LHFPL4: variants seen among roughly 807,000 people sequenced by gnomAD.
LHFPL4 encodes the protein LHFPL tetraspan subfamily member 4 protein.
Under a neutral mutation model 20.0 loss-of-function variants are expected in LHFPL4, and 6 were observed. The observed-to-expected ratio is 0.30, with a 90% confidence interval of 0.16 to 0.59. The LOEUF is 0.59. Ranked by LOEUF, LHFPL4 falls within the 20% of genes least tolerant of loss-of-function variation. The pLI is 0.88. For missense variants in LHFPL4, 215 were observed against 331.2 expected (o/e 0.65, Z 2.72); for synonymous variants, 129 against 143.8 (o/e 0.90, Z 0.74).
intron 2 of LHFPL4, among the ~76,000 whole-genome samples, chr3:9,532,616 T>C (rs1250448236): frequency 2.0e-5 from 3 of 152,226 alleles, no homozygotes; most frequent in Non-Finnish European, 4.4e-5. Flanking sequence ...GTTACATGCA[T>C]GAGGCACCGC....
chr3:9,523,024 GA>G (rs2046348651), intron 2 of LHFPL4, among the ~76,000 whole-genome samples: 1 of 122,188 alleles, frequency 8.2e-6, no homozygotes, highest in South Asian at 2.7e-4. Context: ...CTGGGCAACA[GA>G]GCGAGACTCC....
At chr3:9,528,610 C>T (rs2046389459) in intron 2 of LHFPL4, among the ~76,000 whole-genome samples, 1 of 151,954 alleles carries the variant, frequency 6.6e-6, no homozygotes, top group Non-Finnish European at 1.5e-5. Context: ...ACCAATGTTC[C>T]ATTTATTATT....
chr3:9,524,881 G>A (rs1327145926), intron 2 of LHFPL4, among the ~76,000 whole-genome samples: 2 of 152,182 alleles, frequency 1.3e-5, no homozygotes, highest in Non-Finnish European at 2.9e-5. Flanking sequence ...TAGTGATGTG[G>A]TGGTAAGATG....
chr3:9,544,936 T>C (rs1235597148), intron 2 of LHFPL4, among the ~76,000 whole-genome samples: 2 of 152,176 alleles, frequency 1.3e-5, no homozygotes, highest in African/African-American at 4.8e-5. Context: ...GAATCTCCCA[T>C]TTCATGTATT....
chr3:9,502,852 T>G (rs887609141), intron 3 of LHFPL4, among the ~76,000 whole-genome samples: 3 of 152,150 alleles, frequency 2.0e-5, no homozygotes, highest in Admixed American at 6.5e-5. Flanking sequence ...GATCATAGCC[T>G]ACCTCACAGG....
intron 2 of LHFPL4, among the ~76,000 whole-genome samples, chr3:9,530,346 C>T (rs574629885): frequency 6.6e-6 from 1 of 152,334 alleles, no homozygotes; most frequent in Non-Finnish European, 1.5e-5. Flanking sequence ...TACATCACCA[C>T]CTGCTGCTTT....
intron 2 of LHFPL4, among the ~76,000 whole-genome samples, chr3:9,523,106 GAA>G (rs1491245822): frequency 6.8e-6 from 1 of 146,446 alleles, no homozygotes; most frequent in South Asian, 2.3e-4. Flanking sequence ...GAGAGAGAGA[GAA>G]AGCAAGCAAG....
chr3:9,504,153 T>A (rs2046199351), intron 3 of LHFPL4, among the ~76,000 whole-genome samples: 1 of 152,084 alleles, frequency 6.6e-6, no homozygotes, highest in Admixed American at 6.5e-5. Flanking sequence ...GGCAGATCAC[T>A]TGAGGCCAGG....
intron 2 of LHFPL4, among the ~76,000 whole-genome samples, chr3:9,551,933 T>C (rs1384378357): frequency 6.6e-6 from 1 of 152,092 alleles, no homozygotes; most frequent in African/African-American, 2.4e-5. Context: ...AAATTGATCA[T>C]ACCTACAGTA....
intron 2 of LHFPL4, among the ~76,000 whole-genome samples, chr3:9,529,778 G>A (rs1284436423): frequency 2.0e-5 from 3 of 151,822 alleles, no homozygotes; most frequent in East Asian, 1.9e-4. Context: ...GATTACAGGC[G>A]CCTGCCACCA....
At chr3:9,553,238 G>T (rs1475881827) in intron 1 of LHFPL4, among the ~76,000 whole-genome samples, 1 of 151,648 alleles carries the variant, frequency 6.6e-6, no homozygotes, top group Non-Finnish European at 1.5e-5. Context: ...CTAGGATGGG[G>T]GAAGAGGGAA....
In LHFPL4 at chr3:9,552,392, G is replaced by A; in HGVS notation, c.288C>T (p.Ala96=). 1.9e-6 allele frequency: 3 copies of A among 1,613,956 alleles called. No homozygotes were observed. Among genetic ancestry groups the A allele is most frequent in the Non-Finnish European group, 1.7e-6 (2 of 1,180,018 alleles). ...TIPSSAFKAA[A]FFVLLSMVLI... is the part of the protein sequence containing the mutation. Reference sequence around the variant, plus strand: ...GCACCATGGAGAGCAGCACGAAGAAGGCGGCCGCCTTGAAGGCGCTGGACG... The same window carrying A: ...GCACCATGGAGAGCAGCACGAAGAAAGCGGCCGCCTTGAAGGCGCTGGACG... The change falls in exon 2 of 4, where the codon GCC becomes GCT. Residue 96 remains alanine (A), a synonymous_variant. Transcript: ENST00000287585.
chr3:9,501,994 G>A lies in LHFPL4; in HGVS notation c.*217C>T, dbSNP rs901330854. On this transcript the variant is annotated 3_prime_UTR_variant, in exon 4 of 4. Coordinates refer to ENST00000287585, the MANE Select transcript of LHFPL4 (RefSeq NM_198560.3). ...GCTCCCTTAGGTCAAATTGAGGGAG[G>A]AGCAAGAATTAGACCCTCCCAAGGT... The A allele has an allele frequency of 2.0e-5, 12 of 587,482 alleles. No homozygotes were observed. In the African/African-American group the frequency reaches 2.1e-4, roughly 10 times the overall value. 36.4% of individuals were successfully genotyped at this position (587,482 alleles called of 1,614,324 possible).
At chr3:9,523,094 G>GAAAGAAAGAAAGAA (rs763533157) in intron 2 of LHFPL4, among the ~76,000 whole-genome samples, 1 of 83,392 alleles carries the variant, frequency 1.2e-5, no homozygotes, top group African/African-American at 4.7e-5. Flanking sequence ...GAAAGAAAGA[G>GAAAGAAAGAAAGAA]AGAGAGAGAG....
chr3:9,538,995 T>C (rs2936482), intron 2 of LHFPL4, among the ~76,000 whole-genome samples: 125,446 of 152,102 alleles, frequency 0.82, 52,305 homozygotes, highest in African/African-American at 0.96. Flanking sequence ...CCACCACACC[T>C]GGCCCAAATT....
At chr3:9,537,218 C>T (rs532977009) in intron 2 of LHFPL4, among the ~76,000 whole-genome samples, 2 of 152,176 alleles carry the variant, frequency 1.3e-5, no homozygotes, top group Non-Finnish European at 2.9e-5. Flanking sequence ...TTCAGCTTCT[C>T]GCTTGCACTC....
At position 9,502,167 on chromosome 3, in the gene LHFPL4, A is replaced by C. The variant is rs1301956815; in HGVS notation, c.*44T>G. 1 of 1,408,302 alleles carries C rather than the reference A, an allele frequency of 7.1e-7. No homozygotes were observed. The highest frequency in any genetic ancestry group is 1.4e-5 in the African/African-American group (1 of 70,812). 87.2% of individuals were successfully genotyped at this position (1,408,302 alleles called of 1,614,324 possible). A position where few individuals can be genotyped will look rare whatever the true frequency, so the allele number is the denominator to read the frequency against. The stretch of plus-strand genomic sequence containing the variant: ...GAGTGACGAGAGGGCAGAAGGCAGG[A>C]CAAGCTGAGGTCAGGCCAATTACTG... On this transcript the variant is annotated 3_prime_UTR_variant, in exon 4 of 4. Transcript: ENST00000287585.
At chr3:9,539,019 C>G (rs1001249840) in intron 2 of LHFPL4, among the ~76,000 whole-genome samples, 1 of 152,084 alleles carries the variant, frequency 6.6e-6, no homozygotes. Flanking sequence ...GTTTTCTGAC[C>G]ACTAAACTGT....
At chr3:9,533,027 C>G (rs900216072) in intron 2 of LHFPL4, among the ~76,000 whole-genome samples, 1 of 152,188 alleles carries the variant, frequency 6.6e-6, no homozygotes, top group African/African-American at 2.4e-5. Flanking sequence ...CACCCCACGC[C>G]ACATGTCCCC....
Sources: allele counts gnomAD v4.1 joint callset (sites outside exome capture counted in the v4.1 genomes callset), GRCh38; gene constraint gnomAD v4.1.1; transcripts MANE v1.5; gene names NCBI Gene and HGNC (gene_info 2026-07-23, HGNC 2026-07-21).